The following NRXN3 variants were observed in gnomAD, a reference collection of about 807,000 sequenced individuals.
The protein encoded by NRXN3 is neurexin 3.
Under a neutral mutation model 137.6 loss-of-function variants are expected in NRXN3, and 32 were observed. The ratio of observed to expected loss-of-function variants is 0.23; its 90% confidence interval spans 0.18 to 0.31. The LOEUF (loss-of-function observed/expected upper bound fraction) is 0.31. Ranked by LOEUF, NRXN3 falls within the 10% of genes least tolerant of loss-of-function variation. The pLI, the probability that NRXN3 is intolerant of heterozygous loss-of-function variation, is 1.00. For synonymous variants in NRXN3, 798 were observed against 784.5 expected (o/e 1.02, Z -0.29); for missense variants, 1,574 against 2,062.5 (o/e 0.76, Z 4.59).
chr14:78,668,930 A>ATCTGTCTGTCTGTCTG (rs58936637), intron 6 of NRXN3, among the ~76,000 whole-genome samples: 21 of 149,394 alleles, frequency 1.4e-4, no homozygotes, highest in African/African-American at 5.3e-4. Context: ...CTATCTATCT[A>ATCTGTCTGTCTGTCTG]TCTGTCTGTC....
chr14:78,226,074 G>A (rs570695893), intron 1 of NRXN3, among the ~76,000 whole-genome samples: 7 of 151,008 alleles, frequency 4.6e-5, no homozygotes, highest in African/African-American at 7.3e-5. Context: ...CCTGATCTCC[G>A]CTCACTGCAA....
intron 15 of NRXN3, among the ~76,000 whole-genome samples, chr14:79,362,293 T>C (rs997108426): frequency 2.7e-5 from 4 of 150,484 alleles, no homozygotes; most frequent in African/African-American, 9.8e-5. Context: ...ATGCTATCCC[T>C]CCCCTCTCCC....
chr14:78,512,741 A>G (rs932920152), intron 4 of NRXN3, among the ~76,000 whole-genome samples: 1 of 152,144 alleles, frequency 6.6e-6, no homozygotes. Flanking sequence ...TGGTAAATCA[A>G]TTCCTGCCAA....
intron 4 of NRXN3, among the ~76,000 whole-genome samples, chr14:78,400,040 C>T (rs1227287470): frequency 6.6e-6 from 1 of 152,118 alleles, no homozygotes; most frequent in African/African-American, 2.4e-5. Flanking sequence ...ATTGACCAGT[C>T]TGTGTTTTGT....
In NRXN3 at chr14:78,709,304, G is replaced by T; in HGVS notation, c.1309G>T (p.Val437Leu). The change falls in exon 7 of 21, where the codon GTG becomes TTG. Residue 437 changes from valine to leucine, a missense_variant. Val to Leu is a conservative substitution (Grantham distance 32). Around this residue, in one of 5 missense-constraint regions of NRXN3, gnomAD observed 718 missense variants for 887.6 expected, o/e 0.81. Coordinates refer to ENST00000335750, the MANE Select transcript of NRXN3 (RefSeq NM_001330195.2). Reference protein sequence around the residue: ...DTKMKIYGEVVFKCENVATLD... With the variant: ...DTKMKIYGEVLFKCENVATLD... ...CAAGATGAAAATCTATGGCGAAGTT[G>T]TGTTTAAGTGTGAGAATGTGGCCAC... The T allele has an allele frequency of 6.2e-7, 1 of 1,614,134 alleles. No individual in the cohort carries two copies. Among genetic ancestry groups the T allele is most frequent in the Non-Finnish European group, 8.5e-7 (1 of 1,180,012 alleles).
chr14:79,280,554 C>T (rs1472097081), intron 15 of NRXN3: 1 of 1,605,344 alleles, frequency 6.2e-7, no homozygotes, highest in Non-Finnish European at 8.5e-7. Flanking sequence ...TCTCTCTGCT[C>T]TTTATCCTTT....
chr14:79,796,110 C>A (rs990828987), intron 19 of NRXN3, among the ~76,000 whole-genome samples: 12 of 152,096 alleles, frequency 7.9e-5, no homozygotes, highest in African/African-American at 2.7e-4. Flanking sequence ...GAGAGGACAG[C>A]ACCAATAAGA....
At chr14:78,526,640 A>G in intron 4 of NRXN3, 1 of 382,914 alleles carries the variant, frequency 2.6e-6, no homozygotes, top group South Asian at 2.1e-5. Flanking sequence ...TTATCTGATA[A>G]TAGTAACTAA....
At chr14:79,011,489 T>C (rs1271831527) in intron 15 of NRXN3, among the ~76,000 whole-genome samples, 2 of 151,618 alleles carry the variant, frequency 1.3e-5, no homozygotes, top group Non-Finnish European at 2.9e-5. Context: ...GTTGAGTTTG[T>C]TCAGTTTGGG....
chr14:79,408,829 G>A (rs1308452306), intron 15 of NRXN3, among the ~76,000 whole-genome samples: 1 of 151,856 alleles, frequency 6.6e-6, no homozygotes, highest in African/African-American at 2.4e-5. Context: ...GGAATTTCTG[G>A]TCATTTGCAT....
chr14:78,549,775 C>T (rs549020474), intron 4 of NRXN3, among the ~76,000 whole-genome samples: 8 of 152,304 alleles, frequency 5.3e-5, no homozygotes, highest in East Asian at 1.9e-4. Context: ...TGTGTGAATG[C>T]TGAGTGAACT....
chr14:78,360,124 C>T (rs984288124), intron 4 of NRXN3, among the ~76,000 whole-genome samples: 19 of 152,264 alleles, frequency 1.2e-4, no homozygotes, highest in African/African-American at 4.6e-4. Flanking sequence ...AAAGGGCTTT[C>T]TTCAAGGCTT....
chr14:79,844,717 A>G (rs913455819), intron 20 of NRXN3, among the ~76,000 whole-genome samples: 4 of 152,174 alleles, frequency 2.6e-5, no homozygotes, highest in African/African-American at 9.7e-5. Context: ...GACTACAGGC[A>G]TAGTACATTT....
At chr14:78,591,842 C>T (rs1329268515) in intron 4 of NRXN3, among the ~76,000 whole-genome samples, 1 of 152,164 alleles carries the variant, frequency 6.6e-6, no homozygotes, top group East Asian at 1.9e-4. Context: ...ATCGCCATTA[C>T]TCTAATGGTT....
chr14:79,106,541 T>G (rs1386804439), intron 15 of NRXN3, among the ~76,000 whole-genome samples: 1 of 151,988 alleles, frequency 6.6e-6, no homozygotes. Flanking sequence ...ATTACCAAAC[T>G]AATAAAATAG....
chr14:78,404,036 C>T (rs1598299835), intron 4 of NRXN3, among the ~76,000 whole-genome samples: 1 of 152,068 alleles, frequency 6.6e-6, no homozygotes, highest in African/African-American at 2.4e-5. Flanking sequence ...CAAATGAACT[C>T]TGTGGCCCTG....
At chr14:79,465,419 T>TA (rs1490183751) in intron 15 of NRXN3, among the ~76,000 whole-genome samples, 2 of 152,090 alleles carry the variant, frequency 1.3e-5, no homozygotes, top group Non-Finnish European at 2.9e-5. Flanking sequence ...AAAAGGAAAA[T>TA]AATGTTATGC....
rs2098736421 is a variant in NRXN3 at position 79,696,602 on chromosome 14, C to A, written c.3707-1028C>A. On this transcript the variant is annotated intron_variant, in intron 18 of 20. Coordinates refer to ENST00000335750, the MANE Select transcript of NRXN3 (RefSeq NM_001330195.2). Reference sequence around the variant, plus strand: ...CTTTGAGTTTGCTTGGGAAAAAAATCTCATACTTGAGAGTTTTATAAGTAG... The same window carrying A: ...CTTTGAGTTTGCTTGGGAAAAAAATATCATACTTGAGAGTTTTATAAGTAG... Among the ~76,000 whole-genome samples the A allele has an allele frequency of 2.6e-5, 4 of 151,858 alleles. No homozygotes were observed. In the South Asian group the frequency reaches 8.3e-4, roughly 31 times the overall value.
intron 4 of NRXN3, among the ~76,000 whole-genome samples, chr14:78,520,409 TTAGC>T (rs764253095): frequency 2.6e-5 from 4 of 152,182 alleles, no homozygotes; most frequent in Non-Finnish European, 5.9e-5. Flanking sequence ...CTTTAGCCTT[TTAGC>T]CCAGATCACA....
Sources: gnomAD v4.1 joint callset for allele counts (sites outside exome capture counted in the v4.1 genomes callset) on GRCh38, gnomAD v4.1.1 for gene constraint, gnomAD v4.1.1 regional missense constraint, MANE v1.5 for transcripts, NCBI Gene and HGNC (gene_info 2026-07-23, HGNC 2026-07-21) for gene names.